The following CMPK2 variants were observed in gnomAD, a reference collection of about 807,000 sequenced individuals.
CMPK2 encodes UMP-CMP kinase 2, mitochondrial.
CMPK2 carries 32 observed loss-of-function variants against 33.4 expected under a neutral mutation model. That is an observed-to-expected ratio of 0.96 (90% CI 0.72 to 1.29). The LOEUF (loss-of-function observed/expected upper bound fraction) is 1.29. Ranked by LOEUF, CMPK2 falls within the 50% of genes most tolerant of loss-of-function variation. CMPK2 has a pLI of 0.00. For synonymous variants in CMPK2, 299 were observed against 275.3 expected (o/e 1.09, Z -0.85); for missense variants, 672 against 616.0 (o/e 1.09, Z -0.96).
At position 6,861,285 on chromosome 2, in the gene CMPK2, A is replaced by G. The variant is rs746129773; in HGVS notation, c.891T>C (p.Asp297=). 2 of 1,613,992 alleles carry G rather than the reference A, an allele frequency of 1.2e-6. No homozygotes were observed. Among genetic ancestry groups the G allele is most frequent in the African/African-American group, 1.3e-5 (1 of 74,914 alleles). Reference sequence around the variant, plus strand: ...AAGCTCTTCTAATGATAGTTGGTTCATCATCAAAGATCTTCCTCCACTGGC... The same window carrying G: ...AAGCTCTTCTAATGATAGTTGGTTCGTCATCAAAGATCTTCCTCCACTGGC... ...CIGQWRKIFD[D]EPTIIRRAFY... The change falls in exon 3 of 5, where the codon GAT becomes GAC. Residue 297 remains aspartate, a synonymous_variant. Coordinates refer to ENST00000256722, the MANE Select transcript of CMPK2 (RefSeq NM_207315.4).
chr2:6,848,311 C>T (rs1254089610), downstream of CMPK2: 2 of 968,112 alleles, frequency 2.1e-6, no homozygotes, highest in Non-Finnish European at 2.5e-6. Flanking sequence ...CCCAGGATGA[C>T]AGCATAGATT....
At chr2:6,859,580 A>G (rs1322689962) in intron 3 of CMPK2, among the ~76,000 whole-genome samples, 1 of 152,208 alleles carries the variant, frequency 6.6e-6, no homozygotes. Flanking sequence ...CAGAGGGGGA[A>G]AGCCCCAAGC....
In CMPK2 at chr2:6,865,106, C is replaced by T. The variant is rs371846668; in HGVS notation, c.591G>A (p.Glu197=). The T allele has an allele frequency of 6.6e-7, 1 of 1,506,400 alleles. No individual in the cohort carries two copies. Among genetic ancestry groups the T allele is most frequent in the Admixed American group, 2.1e-5 (1 of 46,944 alleles). The allele number at this position is 1,506,400 out of a possible 1,614,324, so 93.3% of individuals were successfully genotyped here. ...CTGGCACCACCGGGTGCAGCGGGGG[C>T]TCCGGGACGGGCACGACCTGTGCGC... ...VGCAQVVPVP[E]PPLHPVVPDL... The change falls in exon 1 of 5, where the codon GAG becomes GAA. Residue 197 remains glutamate (E), a synonymous_variant. Coordinates refer to ENST00000256722, the MANE Select transcript of CMPK2 (RefSeq NM_207315.4).
chr2:6,866,060 G>A, upstream of CMPK2: 1 of 291,580 alleles, frequency 3.4e-6, no homozygotes, highest in Non-Finnish European at 6.3e-6. Flanking sequence ...CTCCGTGTGC[G>A]TTCTGCGGGT....
chr2:6,848,238 C>T (rs993406146), downstream of CMPK2: 1 of 610,792 alleles, frequency 1.6e-6, no homozygotes, highest in African/African-American at 2.0e-5. Flanking sequence ...AAATTTCCCT[C>T]CTTTACATCA....
Position 6,851,408 on chromosome 2 carries a change from G to T in CMPK2, c.1226+42C>A. 3 of 1,613,038 alleles carry T rather than the reference G, an allele frequency of 1.9e-6. No individual in the cohort carries two copies. The South Asian group carries it at 3.3e-5, about 18-fold the overall frequency. ...AGTGCCAGTGGTTCATCTCCCTTCA[G>T]GAATGCCTGCCGCTCACATTGCATT... On this transcript the variant is annotated intron_variant, in intron 4 of 4. Transcript: ENST00000256722.
intron 2 of CMPK2, among the ~76,000 whole-genome samples, chr2:6,862,255 T>C (rs917413217): frequency 2.6e-5 from 4 of 152,236 alleles, no homozygotes; most frequent in Non-Finnish European, 4.4e-5. Flanking sequence ...CTCAGCACGT[T>C]ATACTCCTAA....
chr2:6,855,320 T>TGCCC (rs1558324121), intron 3 of CMPK2, among the ~76,000 whole-genome samples: 5 of 91,958 alleles, frequency 5.4e-5, no homozygotes, highest in African/African-American at 1.4e-4. Flanking sequence ...CGCCTCTGCC[T>TGCCC]CTGCCCCTGC....
chr2:6,861,437 C>A, intron 2 of CMPK2, 52 bp from the exon 3 acceptor site: 1 of 1,399,788 alleles, frequency 7.1e-7, no homozygotes, highest in Non-Finnish European at 1.0e-6. Flanking sequence ...CCAAAGTTAA[C>A]ATTGACGTAG....
At chr2:6,852,103 A>G (rs1029190297) in intron 3 of CMPK2, among the ~76,000 whole-genome samples, 1 of 152,152 alleles carries the variant, frequency 6.6e-6, no homozygotes, top group Non-Finnish European at 1.5e-5. Context: ...CAGTTCCTAC[A>G]CTGTTTTCAC....
In CMPK2 at chr2:6,865,112, G is replaced by A. The variant is rs1304817292; in HGVS notation, c.585C>T (p.Val195=). The A allele has an allele frequency of 1.3e-6, 2 of 1,507,338 alleles. No individual in the cohort carries two copies. The highest frequency in any genetic ancestry group is 2.1e-5 in the Admixed American group (1 of 47,142). The allele number at this position is 1,507,338 out of a possible 1,614,324, so 93.4% of individuals were successfully genotyped here. The change falls in exon 1 of 5, where the codon GTC becomes GTT. Residue 195 remains valine (V), a synonymous_variant. Transcript: ENST00000256722. ...CCACCGGGTGCAGCGGGGGCTCCGGGACGGGCACGACCTGTGCGCAGCCCA... is the reference window on the plus strand; with the variant it reads ...CCACCGGGTGCAGCGGGGGCTCCGGAACGGGCACGACCTGTGCGCAGCCCA... ...LQVGCAQVVP[V]PEPPLHPVVP... is the part of the protein sequence containing the mutation.
chr2:6,860,925 T>G (rs1662855661), intron 3 of CMPK2, among the ~76,000 whole-genome samples: 1 of 152,210 alleles, frequency 6.6e-6, no homozygotes, highest in African/African-American at 2.4e-5. Flanking sequence ...ACATGTAACA[T>G]TCACCTACCC....
chr2:6,863,727 G>A (rs1662955113), intron 1 of CMPK2, 149 bp from the exon 2 acceptor site: 4 of 602,358 alleles, frequency 6.6e-6, no homozygotes, highest in South Asian at 4.2e-5. Flanking sequence ...AGAGTATTTC[G>A]ATGCTAGGAT....
chr2:6,857,639 CTTT>C (rs59168059), intron 3 of CMPK2, among the ~76,000 whole-genome samples: 1 of 131,724 alleles, frequency 7.6e-6, no homozygotes, highest in Non-Finnish European at 1.6e-5. Context: ...CTTTTCTTTT[CTTT>C]TTTTTTTTTT....
intron 2 of CMPK2, 107 bp from the exon 3 acceptor site, chr2:6,861,492 C>T (rs892215692): frequency 3.9e-6 from 3 of 777,056 alleles, no homozygotes; most frequent in Admixed American, 2.4e-5. Flanking sequence ...AATGAGTAGA[C>T]TAAATAACAG....
rs1353407411 is a variant in CMPK2 at position 6,848,346 on chromosome 2, A to T, written c.*1504T>A. Reference sequence around the variant, plus strand: ...TAGTAAACCACAGCAAAGTTTATTCATGTGCCAGGGACATAAAGATACATT... The same window carrying T: ...TAGTAAACCACAGCAAAGTTTATTCTTGTGCCAGGGACATAAAGATACATT... On this transcript the variant is annotated 3_prime_UTR_variant, in exon 5 of 5. Transcript: ENST00000256722. 2 of 984,990 alleles carry T rather than the reference A, an allele frequency of 2.0e-6. No individual in the cohort carries two copies. The highest frequency in any genetic ancestry group is 6.1e-5 in the Admixed American group (1 of 16,270). The allele number at this position is 984,990 out of a possible 1,614,324, so 61.0% of individuals were successfully genotyped here.
rs1334672708 is a variant in CMPK2, at chr2:6,849,424, T to A, written c.*426A>T. ...CAACCAGATGTGGAAGAAGCCAATG[T>A]GGGCATGTCACGATCTCATCAGCAT... is the stretch of plus-strand genomic sequence containing the variant. On this transcript the variant is annotated 3_prime_UTR_variant, in exon 5 of 5. Transcript: ENST00000256722. 1.0e-6 allele frequency: 1 copy of A among 992,612 alleles called. No individual in the cohort carries two copies. The highest frequency in any genetic ancestry group is 1.7e-5 in the African/African-American group (1 of 57,314). The allele number at this position is 992,612 out of a possible 1,614,324, so 61.5% of individuals were successfully genotyped here.
Position 6,861,386 on chromosome 2 carries a change from C to G in CMPK2, c.791-1G>C. The stretch of plus-strand genomic sequence containing the variant: ...ACTGACTGGGTCACCGTGGTTTTAC[C>G]TGCAGGTCATACACAAAATATATAC... On this transcript the variant is annotated splice_acceptor_variant, in intron 2 of 4. Transcript: ENST00000256722. LOFTEE classifies it high-confidence loss of function. 6.2e-7 allele frequency: 1 copy of G among 1,613,338 alleles called. No homozygotes were observed. The highest frequency in any genetic ancestry group is 2.2e-5 in the East Asian group (1 of 44,882).
chr2:6,849,796 T>C lies in CMPK2; in HGVS notation c.*54A>G. On this transcript the variant is annotated 3_prime_UTR_variant, in exon 5 of 5. Coordinates refer to ENST00000256722, the MANE Select transcript of CMPK2 (RefSeq NM_207315.4). ...AACACTGCATAACAAATGGTGGATG[T>C]AGATGTTTCAAACAACATCTAATCT... 2 of 1,609,450 alleles carry C rather than the reference T, an allele frequency of 1.2e-6. No individual in the cohort carries two copies. The highest frequency in any genetic ancestry group is 2.2e-5 in the South Asian group (2 of 89,968).
Sources: gnomAD v4.1 joint callset for allele counts (sites outside exome capture counted in the v4.1 genomes callset) on GRCh38, gnomAD v4.1.1 for gene constraint, MANE v1.5 for transcripts, NCBI Gene and HGNC (gene_info 2026-07-23, HGNC 2026-07-21) for gene names.